CCDC170: variants seen among roughly 807,000 people sequenced by gnomAD.
The protein encoded by CCDC170 is coiled-coil domain-containing protein 170.
CCDC170 carries 69 observed loss-of-function variants against 72.6 expected under a neutral mutation model. The ratio of observed to expected loss-of-function variants is 0.95; its 90% confidence interval spans 0.78 to 1.16. The LOEUF (loss-of-function observed/expected upper bound fraction) is 1.16, where lower values mean the gene tolerates loss of function less well. Ranked by LOEUF, CCDC170 falls within the 50% of genes most tolerant of loss-of-function variation. The pLI, the probability that CCDC170 is intolerant of heterozygous loss-of-function variation, is 0.00. For synonymous variants in CCDC170, 300 were observed against 303.9 expected (o/e 0.99, Z 0.13); for missense variants, 852 against 832.5 (o/e 1.02, Z -0.29).
chr6:151,559,036 A>G (rs1783034268), intron 5 of CCDC170, among the ~76,000 whole-genome samples: 2 of 140,868 alleles, frequency 1.4e-5, no homozygotes, highest in Admixed American at 7.3e-5. Context: ...TTTTCGAGAC[A>G]GAATCTTGCT....
At chr6:151,516,385 A>G (rs1782236142) in intron 1 of CCDC170, among the ~76,000 whole-genome samples, 1 of 152,220 alleles carries the variant, frequency 6.6e-6, no homozygotes, top group African/African-American at 2.4e-5. Flanking sequence ...TGGAAGGCTT[A>G]GAATGTTATT....
At chr6:151,587,213 G>A (rs559287080) in intron 7 of CCDC170, among the ~76,000 whole-genome samples, 33 of 152,224 alleles carry the variant, frequency 2.2e-4, no homozygotes, top group Admixed American at 1.8e-3. Context: ...GAAGGAGCCC[G>A]CACTGAGGAT....
At chr6:151,574,344 G>T (rs904917202) in intron 6 of CCDC170, among the ~76,000 whole-genome samples, 169 of 152,230 alleles carry the variant, frequency 1.1e-3, no homozygotes, top group Non-Finnish European at 2.6e-4. Context: ...TCCCGTCTCT[G>T]CTGTACATTC....
Position 151,618,137 on chromosome 6 carries a change from T to G in CCDC170, c.2138T>G (p.Leu713Arg), listed in dbSNP as rs1344438196. The G allele has an allele frequency of 1.5e-5, 24 of 1,613,808 alleles. No individual in the cohort carries two copies. The highest frequency in any genetic ancestry group is 2.0e-5 in the Non-Finnish European group (24 of 1,179,914). Reference protein sequence around the residue: ...QERHPQGHLQLLH With the variant: ...QERHPQGHLQRLH ...AGGCACCCACAAGGCCATTTACAGC[T>G]TCTTCATTGAACACTGTATCTCTTG... The change falls in exon 11 of 11, where the codon CTT (leucine) becomes CGT (arginine). Residue 713 changes from leucine (L) to arginine (R), a missense_variant. Transcript: ENST00000239374.
chr6:151,534,861 G>A (rs942145281), intron 1 of CCDC170, among the ~76,000 whole-genome samples: 16 of 152,134 alleles, frequency 1.1e-4, no homozygotes, highest in African/African-American at 3.1e-4. Context: ...AGATTTTATC[G>A]CTGAGCCTCC....
chr6:151,555,729 T>G (rs973751224), intron 5 of CCDC170, among the ~76,000 whole-genome samples: 4 of 152,224 alleles, frequency 2.6e-5, no homozygotes, highest in Non-Finnish European at 5.9e-5. Context: ...GAAATTTCAC[T>G]GAATAAATGA....
At chr6:151,527,816 A>T (rs1224162828) in intron 1 of CCDC170, among the ~76,000 whole-genome samples, 2 of 152,080 alleles carry the variant, frequency 1.3e-5, no homozygotes, top group Non-Finnish European at 2.9e-5. Context: ...CAAAGAGTAG[A>T]TTGGTTATGG....
intron 5 of CCDC170, among the ~76,000 whole-genome samples, chr6:151,572,811 C>G (rs7741872): frequency 0.61 from 91,857 of 151,300 alleles, 28,912 homozygotes; most frequent in Non-Finnish European, 0.71. Flanking sequence ...CACTATGCCC[C>G]GCTAAGTTTT....
At chr6:151,500,482 A>G (rs1251251029) in intron 1 of CCDC170, among the ~76,000 whole-genome samples, 2 of 151,980 alleles carry the variant, frequency 1.3e-5, no homozygotes, top group Admixed American at 6.5e-5. Context: ...TGCTTAGTTA[A>G]CTAAGAAAAG....
intron 10 of CCDC170, among the ~76,000 whole-genome samples, chr6:151,616,410 T>G (rs1353784272): frequency 2.0e-5 from 3 of 152,102 alleles, no homozygotes; most frequent in African/African-American, 7.2e-5. Context: ...TTGGCTTTTG[T>G]CTCTTTCTCC....
chr6:151,567,107 CG>C (rs1776148896), intron 5 of CCDC170, among the ~76,000 whole-genome samples: 1 of 152,024 alleles, frequency 6.6e-6, no homozygotes, highest in Admixed American at 6.6e-5. Context: ...TCAGTAGAGA[CG>C]GGGTTTCTCC....
Position 151,593,221 on chromosome 6 carries a change from C to G in CCDC170, c.1408C>G (p.Arg470Gly). Residue 470 changes from arginine (R) to glycine (G), a missense_variant, in exon 8 of 11, where the codon CGT becomes GGT. Physicochemically the swap from Arg to Gly is moderately radical, Grantham distance 125 (BLOSUM62 -2). Coordinates refer to ENST00000239374, the MANE Select transcript of CCDC170 (RefSeq NM_025059.4). Reference protein sequence around the residue: ...VVLARTEQLVRLESNAVIENK... With the variant: ...VVLARTEQLVGLESNAVIENK... ...TTTAGCTCGAACAGAGCAGCTGGTT[C>G]GTCTTGAGAGCAATGCAGTCATTGA... 1 of 1,614,110 alleles carries G rather than the reference C, an allele frequency of 6.2e-7. No individual in the cohort carries two copies.
intron 8 of CCDC170, among the ~76,000 whole-genome samples, chr6:151,594,656 C>CTT (rs553181579): frequency 7.0e-6 from 1 of 143,448 alleles, no homozygotes; most frequent in African/African-American, 2.5e-5. Context: ...CTTTTCTTTT[C>CTT]TTTTTTTTTT....
intron 1 of CCDC170, among the ~76,000 whole-genome samples, chr6:151,498,564 T>C (rs1781942822): frequency 6.6e-6 from 1 of 152,226 alleles, no homozygotes; most frequent in African/African-American, 2.4e-5. Context: ...TAACTTCACA[T>C]TTCCTCCTCC....
At chr6:151,574,266 C>T (rs988844707) in intron 6 of CCDC170, among the ~76,000 whole-genome samples, 3 of 152,172 alleles carry the variant, frequency 2.0e-5, no homozygotes, top group Non-Finnish European at 2.9e-5. Flanking sequence ...AATGGAAAGG[C>T]ATGGCAGTCC....
intron 5 of CCDC170, among the ~76,000 whole-genome samples, chr6:151,571,938 T>A (rs4391273): frequency 6.6e-6 from 1 of 152,020 alleles, no homozygotes; most frequent in Admixed American, 6.6e-5. Flanking sequence ...TCACTGTAGC[T>A]TTGAATTCCT....
rs377032374 is a variant in CCDC170 at position 151,587,324 on chromosome 6, A to G, written c.1293+1235A>G. On this transcript the variant is annotated intron_variant, in intron 7 of 10. Coordinates refer to ENST00000239374, the MANE Select transcript of CCDC170 (RefSeq NM_025059.4). ...TTGTGCTGAGGGGATCCTTGAGAGG[A>G]AGGGGAGCGACCTTCTAGTAGACCA... Among the ~76,000 whole-genome samples the G allele has an allele frequency of 9.5e-4, 144 of 152,144 alleles. No individual in the cohort carries two copies. The East Asian group carries it at 0.022, about 23-fold the overall frequency.
chr6:151,604,339 T>G (rs1270397481), intron 9 of CCDC170, among the ~76,000 whole-genome samples: 1 of 152,156 alleles, frequency 6.6e-6, no homozygotes, highest in Non-Finnish European at 1.5e-5. Flanking sequence ...GCTTTGAGCT[T>G]TTCCCACTTC....
chr6:151,564,754 C>A (rs1453260159), intron 5 of CCDC170, among the ~76,000 whole-genome samples: 1 of 152,106 alleles, frequency 6.6e-6, no homozygotes, highest in Non-Finnish European at 1.5e-5. Context: ...GCAGAGTAAT[C>A]CCCAAGTCCC....
Sources: allele counts gnomAD v4.1 joint callset (sites outside exome capture counted in the v4.1 genomes callset), GRCh38; gene constraint gnomAD v4.1.1; transcripts MANE v1.5; gene names NCBI Gene and HGNC (gene_info 2026-07-23, HGNC 2026-07-21).